The following UNC5C variants were observed in gnomAD, a reference collection of about 807,000 sequenced individuals.
The protein encoded by UNC5C is netrin receptor UNC5C.
A neutral mutation model predicts 99.8 loss-of-function variants in UNC5C; 47 were observed. The ratio of observed to expected loss-of-function variants is 0.47; its 90% CI spans 0.37 to 0.60. UNC5C has a LOEUF of 0.60. Among genes scored for constraint, UNC5C ranks in the 20% least tolerant of loss-of-function variants. UNC5C has a pLI of 0.00. For missense variants in UNC5C, 1,062 were observed against 1,165.9 expected, an observed-to-expected ratio of 0.91 and a Z score of 1.30; for synonymous variants, 487 against 452.2, an observed-to-expected ratio of 1.08 and a Z score of -0.98.
chr4:95,385,119 C>G (rs993408095), intron 1 of UNC5C, among the ~76,000 whole-genome samples: 1 of 151,978 alleles, frequency 6.6e-6, no homozygotes, highest in Admixed American at 6.6e-5. Flanking sequence ...TTATGGGCAC[C>G]CTGTTCATAT....
At chr4:95,529,801 A>C (rs1169931546) in intron 1 of UNC5C, among the ~76,000 whole-genome samples, 3 of 152,220 alleles carry the variant, frequency 2.0e-5, no homozygotes, top group African/African-American at 4.8e-5. Flanking sequence ...GCTTTGTTAC[A>C]ACTACATAAA....
chr4:95,494,718 A>C (rs1198883922), intron 1 of UNC5C, among the ~76,000 whole-genome samples: 1 of 151,450 alleles, frequency 6.6e-6, no homozygotes, highest in African/African-American at 2.4e-5. Context: ...TAAAATTAAA[A>C]CATTTAAATA....
rs774874530 is a variant in UNC5C at position 95,183,065 on chromosome 4, A to C, written c.2287-4T>G. 1.9e-6 allele frequency: 3 copies of C among 1,597,316 alleles called. No individual in the cohort carries two copies. Among genetic ancestry groups the C allele is most frequent in the Admixed American group, 3.4e-5 (2 of 59,470 alleles). ...AAACATGGTAAAATGGAATTTCCTA[A>C]AGGATATGAAAGTGTTAACCACAAT... On this transcript the variant is annotated splice_region_variant and splice_polypyrimidine_tract_variant and intron_variant, in intron 13 of 15. Transcript: ENST00000453304.
At chr4:95,480,065 A>G (rs1721088415) in intron 1 of UNC5C, among the ~76,000 whole-genome samples, 1 of 151,536 alleles carries the variant, frequency 6.6e-6, no homozygotes, top group Non-Finnish European at 1.5e-5. Context: ...CTTGGAACCT[A>G]GACTGGAACT....
intron 5 of UNC5C, among the ~76,000 whole-genome samples, chr4:95,249,351 G>A (rs1474767677): frequency 2.0e-5 from 3 of 152,136 alleles, no homozygotes; most frequent in African/African-American, 2.4e-5. Context: ...CAAGGCCCAC[G>A]GAGTTTAACA....
At chr4:95,505,942 G>C (rs1721908140) in intron 1 of UNC5C, among the ~76,000 whole-genome samples, 1 of 152,014 alleles carries the variant, frequency 6.6e-6, no homozygotes, top group South Asian at 2.1e-4. Context: ...CAAGGGTAAA[G>C]AGTAACTCTA....
intron 2 of UNC5C, among the ~76,000 whole-genome samples, chr4:95,317,123 A>G (rs1397853720): frequency 6.6e-6 from 1 of 152,154 alleles, no homozygotes; most frequent in Non-Finnish European, 1.5e-5. Flanking sequence ...TGCACTTTTT[A>G]TTTCTGGTTC....
At chr4:95,293,512 G>A (rs1444791134) in intron 3 of UNC5C, among the ~76,000 whole-genome samples, 1 of 151,752 alleles carries the variant, frequency 6.6e-6, no homozygotes, top group Admixed American at 6.6e-5. Context: ...TAGAGACAAG[G>A]TCTTGCTATG....
intron 1 of UNC5C, among the ~76,000 whole-genome samples, chr4:95,429,928 A>G (rs1315031232): frequency 6.6e-6 from 1 of 152,128 alleles, no homozygotes; most frequent in East Asian, 1.9e-4. Flanking sequence ...ATACTGTATG[A>G]TTCCAATTAT....
In UNC5C at chr4:95,314,214, T is replaced by G. The variant is rs145198391; in HGVS notation, c.347-12465A>C. Among the ~76,000 whole-genome samples, 7 of 152,302 alleles carry G rather than the reference T, an allele frequency of 4.6e-5. No individual in the cohort carries two copies. In the East Asian group the frequency reaches 1.2e-3, roughly 25 times the overall value. On this transcript the variant is annotated intron_variant, in intron 2 of 15. Coordinates refer to ENST00000453304, the MANE Select transcript of UNC5C (RefSeq NM_003728.4). ...CATGACTGGTTTGGGGAATTTTCAG[T>G]GGACTCGGGCAAGTCAAGTCTGAGT...
chr4:95,215,929 A>G (rs1738231933), intron 10 of UNC5C, 195 bp downstream of exon 10: 1 of 454,258 alleles, frequency 2.2e-6, no homozygotes, highest in African/African-American at 2.0e-5. Flanking sequence ...CCCATATTCA[A>G]GATCTGCAAA....
At chr4:95,185,779 AATT>A (rs561661392) in intron 12 of UNC5C, among the ~76,000 whole-genome samples, 34 of 152,324 alleles carry the variant, frequency 2.2e-4, no homozygotes, top group South Asian at 1.9e-3. Flanking sequence ...CATAATTCCC[AATT>A]ATTAAAAAAA....
chr4:95,469,605 G>C (rs1359379785), intron 1 of UNC5C, among the ~76,000 whole-genome samples: 1 of 151,910 alleles, frequency 6.6e-6, no homozygotes, highest in Non-Finnish European at 1.5e-5. Flanking sequence ...TCCTTAAACT[G>C]TATTCATTTA....
At chr4:95,444,460 T>G (rs1747038016) in intron 1 of UNC5C, among the ~76,000 whole-genome samples, 1 of 151,880 alleles carries the variant, frequency 6.6e-6, no homozygotes, top group Admixed American at 6.6e-5. Context: ...GCCTCCCGAG[T>G]AGCTGGGACT....
At chr4:95,495,263 A>G (rs1721599830) in intron 1 of UNC5C, among the ~76,000 whole-genome samples, 1 of 151,530 alleles carries the variant, frequency 6.6e-6, no homozygotes, top group Non-Finnish European at 1.5e-5. Context: ...TCTCAACAGC[A>G]CTATATTCCT....
At chr4:95,521,755 A>C (rs1032138) in intron 1 of UNC5C, among the ~76,000 whole-genome samples, 3 of 152,120 alleles carry the variant, frequency 2.0e-5, no homozygotes, top group Admixed American at 2.0e-4. Context: ...CTTGCCAAAA[A>C]TGTGGACTCT....
intron 3 of UNC5C, among the ~76,000 whole-genome samples, chr4:95,283,531 G>A (rs1218034232): frequency 1.3e-5 from 2 of 152,230 alleles, no homozygotes; most frequent in African/African-American, 4.8e-5. Context: ...CTCTGCGAAG[G>A]GAGGGTAGAT....
chr4:95,383,546 A>G (rs952813704), intron 1 of UNC5C, among the ~76,000 whole-genome samples: 35 of 152,302 alleles, frequency 2.3e-4, no homozygotes, highest in Non-Finnish European at 4.6e-4. Context: ...TACTGATTCA[A>G]TACAACAACT....
intron 7 of UNC5C, among the ~76,000 whole-genome samples, chr4:95,235,948 G>A (rs1486216025): frequency 6.6e-6 from 1 of 152,192 alleles, no homozygotes; most frequent in Admixed American, 6.5e-5. Context: ...GTGCTGGAGA[G>A]GATGTGGAGA....
Sources: allele counts gnomAD v4.1 joint callset (sites outside exome capture counted in the v4.1 genomes callset), GRCh38; gene constraint gnomAD v4.1.1; transcripts MANE v1.5; gene names NCBI Gene and HGNC (gene_info 2026-07-23, HGNC 2026-07-21).